NECAB3: variants seen among roughly 807,000 people sequenced by gnomAD.
NECAB3 encodes N-terminal EF-hand calcium binding protein 3.
Under a neutral mutation model 57.2 loss-of-function variants are expected in NECAB3, and 38 were observed. That is an observed-to-expected ratio of 0.66 (90% CI 0.51 to 0.87). The LOEUF is 0.87. NECAB3 is among the 40% of genes least tolerant of loss of function. The pLI, the probability that NECAB3 is intolerant of heterozygous loss-of-function variation, is 0.00. For synonymous variants in NECAB3, 223 were observed against 222.6 expected (o/e 1.00, Z -0.02); for missense variants, 474 against 527.5 (o/e 0.90, Z 0.99).
rs2017579198 is a variant in NECAB3 at position 33,663,987 on chromosome 20, G to A, written c.388-3592C>T. 1.2e-5 allele frequency: 10 copies of A among 839,164 alleles called. No homozygotes were observed. The Admixed American group carries it at 3.2e-4, about 27-fold the overall frequency. The allele number at this position is 839,164 out of a possible 1,614,324, so 52.0% of individuals were successfully genotyped here. A position where few individuals can be genotyped will look rare whatever the true frequency, so the allele number is the denominator to read the frequency against. ...CAAAGCTCAGCCTAGGAGCCGCAGAGGGGTGAACGGGGCGTGATGAAGGCA... is the reference window on the plus strand; with the variant it reads ...CAAAGCTCAGCCTAGGAGCCGCAGAAGGGTGAACGGGGCGTGATGAAGGCA... On this transcript the variant is annotated intron_variant, in intron 5 of 11. Transcript: ENST00000246190.
At chr20:33,673,217 A>C (rs1186702263) in intron 1 of NECAB3, among the ~76,000 whole-genome samples, 2 of 152,186 alleles carry the variant, frequency 1.3e-5, no homozygotes, top group Non-Finnish European at 2.9e-5. Flanking sequence ...GCAGCCCAGC[A>C]AAGGGGAGAC....
intron 7 of NECAB3, 27 bp downstream of exon 7, chr20:33,659,858 A>C: frequency 1.3e-6 from 2 of 1,539,654 alleles, no homozygotes; most frequent in African/African-American, 2.7e-5. Flanking sequence ...TGCCTCGGCC[A>C]GGCCTCCCAC....
intron 3 of NECAB3, 141 bp downstream of exon 3, chr20:33,670,543 G>C (rs930987838): frequency 3.5e-6 from 2 of 574,592 alleles, no homozygotes; most frequent in Non-Finnish European, 6.1e-6. Context: ...TAGGCAGGCG[G>C]GTAAAGTTGG....
At chr20:33,668,899 G>C (rs138585745) in intron 5 of NECAB3, among the ~76,000 whole-genome samples, 3 of 152,218 alleles carry the variant, frequency 2.0e-5, no homozygotes, top group African/African-American at 7.2e-5. Flanking sequence ...GTGTATACAC[G>C]TGTCCACACA....
intron 5 of NECAB3, chr20:33,666,631 G>C (rs2017659640): frequency 6.6e-6 from 1 of 152,342 alleles, no homozygotes; most frequent in Non-Finnish European, 1.5e-5. Flanking sequence ...GGCTTCTTAG[G>C]ATCTAAAAGG....
intron 5 of NECAB3, chr20:33,668,252 G>C (rs770997665): frequency 8.3e-6 from 13 of 1,562,132 alleles, no homozygotes; most frequent in Middle Eastern, 1.7e-4. Context: ...CTGGACTGGG[G>C]GGGGTGGCAC....
At chr20:33,659,305 G>C (rs572864532) in intron 8 of NECAB3, among the ~76,000 whole-genome samples, 192 bp downstream of exon 8, 2 of 152,364 alleles carry the variant, frequency 1.3e-5, no homozygotes, top group East Asian at 3.9e-4. Flanking sequence ...CGGAAATGCT[G>C]ATGGGGAACC....
chr20:33,674,377 G>C lies in NECAB3; in HGVS notation c.-25C>G, dbSNP rs1344987460. 3 of 1,158,162 alleles carry C rather than the reference G, an allele frequency of 2.6e-6. No individual in the cohort carries two copies. Among genetic ancestry groups the C allele is most frequent in the East Asian group, 4.1e-5 (1 of 24,494 alleles). The allele number at this position is 1,158,162 out of a possible 1,614,324, so 71.7% of individuals were successfully genotyped here. A position where few individuals can be genotyped will look rare whatever the true frequency, so the allele number is the denominator to read the frequency against. On this transcript the variant is annotated 5_prime_UTR_variant, in exon 1 of 12. Coordinates refer to ENST00000246190, the MANE Select transcript of NECAB3 (RefSeq NM_031232.4). Reference sequence around the variant, plus strand: ...TGGCGCCGCCACCCGCTCGGGCTCGGCTGCGGTTGCTGCCGACCCTGGACG... The same window carrying C: ...TGGCGCCGCCACCCGCTCGGGCTCGCCTGCGGTTGCTGCCGACCCTGGACG...
intron 5 of NECAB3, among the ~76,000 whole-genome samples, chr20:33,661,390 G>A (rs1371955644): frequency 1.3e-5 from 2 of 152,188 alleles, no homozygotes; most frequent in Non-Finnish European, 1.5e-5. Context: ...CCATCCATCA[G>A]AGACTTCATC....
upstream of NECAB3, chr20:33,674,512 A>G: frequency 1.6e-6 from 1 of 643,720 alleles, no homozygotes; most frequent in Non-Finnish European, 1.9e-6. Flanking sequence ...CCCTCGCCTC[A>G]AGGTCCAACT....
chr20:33,664,122 T>G, intron 5 of NECAB3: 2 of 443,580 alleles, frequency 4.5e-6, no homozygotes, highest in Non-Finnish European at 3.9e-6. Flanking sequence ...GGCAGTTTCC[T>G]TCCCCCAACA....
intron 5 of NECAB3, 136 bp downstream of exon 5, chr20:33,669,239 G>T: frequency 1.2e-6 from 1 of 805,958 alleles, no homozygotes; most frequent in Non-Finnish European, 2.0e-6. Context: ...AAGGGGCACA[G>T]CTACAAAGTG....
intron 2 of NECAB3, 191 bp downstream of exon 2, chr20:33,672,207 C>T: frequency 1.5e-6 from 1 of 665,634 alleles, no homozygotes; most frequent in Non-Finnish European, 2.6e-6. Flanking sequence ...ACATTCTCTC[C>T]ACTCTCCATC....
At chr20:33,675,177 C>T (rs1439231149), upstream of NECAB3, 2 of 153,318 alleles carry the variant, frequency 1.3e-5, no homozygotes, top group East Asian at 3.8e-4. Context: ...CTGGTTAACT[C>T]CTACTTATTT....
chr20:33,662,538 G>A, intron 5 of NECAB3: 1 of 1,514,096 alleles, frequency 6.6e-7, no homozygotes, highest in East Asian at 2.5e-5. Context: ...TGGACAAGTG[G>A]GTGGGAAGGG....
chr20:33,675,087 CTT>C (rs369023214), upstream of NECAB3, among the ~76,000 whole-genome samples: 15 of 151,966 alleles, frequency 9.9e-5, no homozygotes, highest in African/African-American at 3.1e-4. Context: ...AGCCACACTG[CTT>C]TCTCTCCGGT....
chr20:33,663,498 G>C, intron 5 of NECAB3: 1 of 1,589,372 alleles, frequency 6.3e-7, no homozygotes, highest in South Asian at 1.1e-5. Flanking sequence ...GCCCTAGCGC[G>C]CTCTCCCGCC....
rs376175899 is a variant in NECAB3 at position 33,657,681 on chromosome 20, A to G, written c.*148T>C. 6 of 708,144 alleles carry G rather than the reference A, an allele frequency of 8.5e-6. No individual in the cohort carries two copies. Among genetic ancestry groups the G allele is most frequent in the African/African-American group, 3.6e-5 (2 of 55,466 alleles). 43.9% of individuals were successfully genotyped at this position (708,144 alleles called of 1,614,324 possible). On this transcript the variant is annotated 3_prime_UTR_variant, in exon 12 of 12. Coordinates refer to ENST00000246190, the MANE Select transcript of NECAB3 (RefSeq NM_031232.4). The stretch of plus-strand genomic sequence containing the variant: ...ATAATAAATAGAAAGCAAGCAGCCC[A>G]GTCCCTGATCCCTGGGCTGAGAGCC...
chr20:33,663,785 C>G, intron 5 of NECAB3: 1 of 1,426,902 alleles, frequency 7.0e-7, no homozygotes, highest in South Asian at 1.5e-5. Flanking sequence ...CGCTTCCGGT[C>G]CCCGGGGAAG....
Sources: gnomAD v4.1 joint callset for allele counts (sites outside exome capture counted in the v4.1 genomes callset) on GRCh38, gnomAD v4.1.1 for gene constraint, MANE v1.5 for transcripts, NCBI Gene and HGNC (gene_info 2026-07-23, HGNC 2026-07-21) for gene names.